Variants in NDUFAF6 observed in about 807,000 individuals in gnomAD.
NDUFAF6 encodes NADH:ubiquinone oxidoreductase complex assembly factor 6, also known as NADH dehydrogenase (ubiquinone) complex I, assembly factor 6.
NDUFAF6 carries 45 observed loss-of-function variants against 40.8 expected under a neutral mutation model. That is an observed-to-expected ratio of 1.10 (90% confidence interval 0.87 to 1.42). The LOEUF is 1.42. NDUFAF6 is among the 40% of genes most tolerant of loss of function. NDUFAF6 has a pLI of 0.00. For synonymous variants in NDUFAF6, 185 were observed against 155.9 expected (o/e 1.19, Z -1.39); for missense variants, 435 against 418.5 (o/e 1.04, Z -0.34).
chr8:94,978,203 G>A (rs1258616392), intron 1 of NDUFAF6, among the ~76,000 whole-genome samples: 1 of 152,168 alleles, frequency 6.6e-6, no homozygotes, highest in Non-Finnish European at 1.5e-5. Flanking sequence ...TCTCCAGGAA[G>A]GGGAGCAGAG....
At chr8:95,069,745 A>C in intron 9 of NDUFAF6, among the ~76,000 whole-genome samples, 1 of 147,338 alleles carries the variant, frequency 6.8e-6, no homozygotes, top group Non-Finnish European at 1.5e-5. Context: ...ATGCCATTGC[A>C]CTCCAGCCTG....
intron 5 of NDUFAF6, among the ~76,000 whole-genome samples, chr8:95,045,975 C>T (rs1336429878): frequency 2.0e-5 from 3 of 152,006 alleles, no homozygotes; most frequent in African/African-American, 7.2e-5. Flanking sequence ...CCTGACTCTT[C>T]CTTTCGTGTT....
chr8:94,914,003 G>C (rs756731642), intron 1 of NDUFAF6, among the ~76,000 whole-genome samples: 5 of 152,068 alleles, frequency 3.3e-5, no homozygotes, highest in Non-Finnish European at 5.9e-5. Context: ...TATTGGCCAG[G>C]CTGGTCTTGA....
At chr8:94,953,810 C>CT (rs11365784), upstream of NDUFAF6, among the ~76,000 whole-genome samples, 3 of 151,656 alleles carry the variant, frequency 2.0e-5, no homozygotes, top group South Asian at 6.2e-4. Context: ...TTATTGGATT[C>CT]TTTTTTTTTT....
chr8:94,924,185 T>A (rs2515237), intron 1 of NDUFAF6, among the ~76,000 whole-genome samples: 118,052 of 151,936 alleles, frequency 0.78, 47,280 homozygotes, highest in East Asian at 0.89. Flanking sequence ...CTCAGCCTCC[T>A]GAGTAGCTGG....
chr8:95,044,120 G>A (rs1476225625), intron 4 of NDUFAF6, among the ~76,000 whole-genome samples: 1 of 152,114 alleles, frequency 6.6e-6, no homozygotes, highest in African/African-American at 2.4e-5. Flanking sequence ...AAAGAAGCCA[G>A]ATACAAAAAG....
At chr8:95,015,530 A>G (rs1285704989) in intron 2 of NDUFAF6, among the ~76,000 whole-genome samples, 1 of 152,214 alleles carries the variant, frequency 6.6e-6, no homozygotes, top group African/African-American at 2.4e-5. Context: ...TAGGACAAGC[A>G]GATAATTCAC....
chr8:95,037,457 G>A (rs896677912), intron 3 of NDUFAF6, among the ~76,000 whole-genome samples: 4 of 152,222 alleles, frequency 2.6e-5, no homozygotes, highest in African/African-American at 9.6e-5. Context: ...CATGCCCATC[G>A]GCCCAGATGT....
rs1828627504 is a variant in NDUFAF6, at chr8:95,029,878, A to G, written c.198-2117A>G. 2.0e-5 allele frequency among the ~76,000 whole-genome samples: 3 copies of G among 152,174 alleles called. 1 individual carries two copies. The highest frequency in any genetic ancestry group is 4.4e-5 in the Non-Finnish European group (3 of 68,030). On this transcript the variant is annotated intron_variant, in intron 1 of 8. Transcript: ENST00000396124. ...GTTAACCTCTTACTACGTGGTTGAAAAGGTGACTTCCAGATTTTTTTTTTG... is the reference window on the plus strand; with the variant it reads ...GTTAACCTCTTACTACGTGGTTGAAGAGGTGACTTCCAGATTTTTTTTTTG...
chr8:95,085,974 C>T (rs1809031923), intron 2 of NDUFAF6, among the ~76,000 whole-genome samples: 1 of 152,174 alleles, frequency 6.6e-6, no homozygotes, highest in Non-Finnish European at 1.5e-5. Context: ...TATGTGACCT[C>T]CAGAGTCCCA....
At chr8:94,998,264 A>G (rs1826547517) in intron 2 of NDUFAF6, among the ~76,000 whole-genome samples, 1 of 152,190 alleles carries the variant, frequency 6.6e-6, no homozygotes, top group South Asian at 2.1e-4. Context: ...CACAAAGCAC[A>G]AAAATCAAGA....
intron 2 of NDUFAF6, among the ~76,000 whole-genome samples, chr8:95,013,790 G>A (rs1241963810): frequency 1.3e-5 from 2 of 152,182 alleles, no homozygotes; most frequent in East Asian, 1.9e-4. Flanking sequence ...AAGGTGAATT[G>A]TGTTCCCCCT....
chr8:95,116,967 A>G (rs373912010), downstream of NDUFAF6, among the ~76,000 whole-genome samples: 26 of 152,334 alleles, frequency 1.7e-4, no homozygotes, highest in East Asian at 2.7e-3. Flanking sequence ...GTCCCAAAGC[A>G]GATGCCAACA....
At chr8:94,950,203 C>G (rs1234707346) in intron 2 of NDUFAF6, 7 of 152,442 alleles carry the variant, frequency 4.6e-5, no homozygotes, top group African/African-American at 1.7e-4. Flanking sequence ...CCCCTCTGTT[C>G]TGTTTGCATA....
rs767775317 is a variant in NDUFAF6 at position 95,035,564 on chromosome 8, T to C, written c.408T>C (p.Ile136=). The C allele has an allele frequency of 1.3e-6, 2 of 1,591,880 alleles. No individual in the cohort carries two copies. Among genetic ancestry groups the C allele is most frequent in the South Asian group, 2.2e-5 (2 of 89,610 alleles). The change falls in exon 3 of 9, where the codon ATT becomes ATC. Residue 136 remains isoleucine, a synonymous_variant. Coordinates refer to ENST00000396124, the MANE Select transcript of NDUFAF6 (RefSeq NM_152416.4). ...ATCCACCACATCAGCCTGTGGCCAT[T>C]GAACTATGGAAGGTAAAAAAAAAAA... The part of the protein sequence containing the change: ...CDNPPHQPVA[I]ELWKAVKRHN...
At chr8:94,958,519 A>ATT (rs1440516138) in intron 1 of NDUFAF6, among the ~76,000 whole-genome samples, 1 of 84,914 alleles carries the variant, frequency 1.2e-5, no homozygotes, top group Non-Finnish European at 2.1e-5. Context: ...ACATAGTCAC[A>ATT]TTCTTTTTTT....
intron 2 of NDUFAF6, among the ~76,000 whole-genome samples, chr8:94,998,589 C>T (rs1338922511): frequency 6.6e-6 from 1 of 152,106 alleles, no homozygotes; most frequent in Non-Finnish European, 1.5e-5. Flanking sequence ...TGGTGTGGGG[C>T]CCTAGTGACA....
At chr8:95,084,504 TTTTTTGCATCCTTA>T (rs1808976191) in intron 2 of NDUFAF6, among the ~76,000 whole-genome samples, 1 of 152,202 alleles carries the variant, frequency 6.6e-6, no homozygotes, top group Admixed American at 6.5e-5. Context: ...CTTCATATTG[TTTTTTGCATCCTTA>T]GTCTCTCCTT....
chr8:95,049,423 T>C (rs1831185816), intron 7 of NDUFAF6, among the ~76,000 whole-genome samples: 1 of 152,240 alleles, frequency 6.6e-6, no homozygotes, highest in Non-Finnish European at 1.5e-5. Context: ...TTCTTGAAAT[T>C]GTCTGTCATT....
Sources: gnomAD v4.1 joint callset for allele counts (sites outside exome capture counted in the v4.1 genomes callset) on GRCh38, gnomAD v4.1.1 for gene constraint, MANE v1.5 for transcripts, NCBI Gene and HGNC (gene_info 2026-07-23, HGNC 2026-07-21) for gene names.